The following ANKRD31 variants were observed in gnomAD, a reference collection of about 807,000 sequenced individuals.
ANKRD31 encodes ankyrin repeat domain-containing protein 31.
A neutral mutation model predicts 186.0 loss-of-function variants in ANKRD31; 147 were observed. That is an observed-to-expected ratio of 0.79 (90% CI 0.69 to 0.91). The LOEUF (loss-of-function observed/expected upper bound fraction) is 0.91. Ranked by LOEUF, ANKRD31 falls within the 40% of genes least tolerant of loss-of-function variation. The pLI is 0.00. For synonymous variants in ANKRD31, 673 were observed against 736.4 expected (o/e 0.91, Z 1.39); for missense variants, 1,986 against 2,148.8 (o/e 0.92, Z 1.50).
intron 17 of ANKRD31, among the ~76,000 whole-genome samples, chr5:75,128,539 C>G (rs971295516): frequency 1.6e-5 from 2 of 124,642 alleles, no homozygotes; most frequent in Non-Finnish European, 3.3e-5. Flanking sequence ...GAGTCTGGCT[C>G]TGCTGCCCAG....
intron 19 of ANKRD31, 58 bp from the exon 20 acceptor site, chr5:75,112,658 T>C (rs536623916): frequency 1.3e-4 from 142 of 1,079,388 alleles, no homozygotes; most frequent in Non-Finnish European, 1.7e-4. Flanking sequence ...CTCTCTGATA[T>C]GCCATTGACA....
At chr5:75,160,735 CAT>C (rs1324340456) in intron 11 of ANKRD31, among the ~76,000 whole-genome samples, 2 of 152,132 alleles carry the variant, frequency 1.3e-5, no homozygotes, top group Non-Finnish European at 2.9e-5. Flanking sequence ...ATAATCCCCA[CAT>C]GTTGCGGGAG....
intron 5 of ANKRD31, among the ~76,000 whole-genome samples, chr5:75,203,546 C>T (rs1755949371): frequency 6.6e-6 from 1 of 151,386 alleles, no homozygotes. Context: ...GCCTATAATC[C>T]CAGCTACTCA....
Position 75,195,772 on chromosome 5 carries a change from G to A in ANKRD31, c.876C>T (p.Ala292=). Residue 292 remains alanine (A), a synonymous_variant, in exon 7 of 26, where the codon GCC becomes GCT. Transcript: ENST00000506364. ...CCTTGGCTTCTGACAATGTGTTCAGGGCTTCCAATAACTCAGCTGGCAATG... is the reference window on the plus strand; with the variant it reads ...CCTTGGCTTCTGACAATGTGTTCAGAGCTTCCAATAACTCAGCTGGCAATG... ...DDALPAELLE[A]LNTLSEAKVE... is the part of the protein sequence containing the mutation. 1 of 1,537,376 alleles carries A rather than the reference G, an allele frequency of 6.5e-7. No individual in the cohort carries two copies. Among genetic ancestry groups the A allele is most frequent in the Non-Finnish European group, 8.7e-7 (1 of 1,146,900 alleles).
chr5:75,145,149 A>G (rs1751344039), intron 14 of ANKRD31, among the ~76,000 whole-genome samples: 1 of 152,184 alleles, frequency 6.6e-6, no homozygotes, highest in Admixed American at 6.5e-5. Flanking sequence ...GGGAGTGTAA[A>G]TTAGTTCAAC....
intron 25 of ANKRD31, among the ~76,000 whole-genome samples, chr5:75,071,728 C>A (rs1292414716): frequency 6.6e-6 from 1 of 151,960 alleles, no homozygotes; most frequent in African/African-American, 2.4e-5. Context: ...GAACTCCTGA[C>A]CTCAGGTGAT....
At chr5:75,230,916 C>T (rs759224260) in intron 1 of ANKRD31, among the ~76,000 whole-genome samples, 1 of 152,010 alleles carries the variant, frequency 6.6e-6, no homozygotes, top group African/African-American at 2.4e-5. Flanking sequence ...GTCTAATAAA[C>T]CTTAATAACT....
At chr5:75,094,160 A>C (rs1385631927) in intron 22 of ANKRD31, among the ~76,000 whole-genome samples, 2 of 152,182 alleles carry the variant, frequency 1.3e-5, no homozygotes, top group East Asian at 3.9e-4. Context: ...GCAAAGCTTT[A>C]TTGGGCTAAG....
intron 17 of ANKRD31, among the ~76,000 whole-genome samples, chr5:75,135,986 C>T (rs917609368): frequency 6.6e-6 from 1 of 152,180 alleles, no homozygotes; most frequent in Non-Finnish European, 1.5e-5. Context: ...GAAACTGGAT[C>T]CCTTCCTTAC....
chr5:75,155,902 A>C (rs1197455566), intron 11 of ANKRD31, among the ~76,000 whole-genome samples: 1 of 133,766 alleles, frequency 7.5e-6, no homozygotes, highest in African/African-American at 3.3e-5. Flanking sequence ...ACAAATTTAC[A>C]TTATGTCAGC....
intron 10 of ANKRD31, among the ~76,000 whole-genome samples, chr5:75,172,091 A>T (rs1753373745): frequency 6.6e-6 from 1 of 151,936 alleles, no homozygotes; most frequent in South Asian, 2.1e-4. Flanking sequence ...AAAATCACAG[A>T]CAAAAGAATT....
chr5:75,196,322 T>C, intron 6 of ANKRD31, 122 bp from the exon 7 acceptor site: 1 of 723,996 alleles, frequency 1.4e-6, no homozygotes. Context: ...ATCATCAACT[T>C]TCCTTCCCTT....
At chr5:75,210,302 T>C (rs971412566) in intron 4 of ANKRD31, among the ~76,000 whole-genome samples, 16 of 152,140 alleles carry the variant, frequency 1.1e-4, no homozygotes, top group Non-Finnish European at 2.1e-4. Flanking sequence ...GCCTCCTGAA[T>C]AGCTGAGATT....
intron 7 of ANKRD31, among the ~76,000 whole-genome samples, chr5:75,194,200 G>A (rs888269991): frequency 6.6e-6 from 1 of 152,064 alleles, no homozygotes; most frequent in Non-Finnish European, 1.5e-5. Context: ...AAGGTAACAA[G>A]CTCCATATTT....
At chr5:75,231,637 G>A (rs986098727) in intron 1 of ANKRD31, among the ~76,000 whole-genome samples, 6 of 152,078 alleles carry the variant, frequency 3.9e-5, no homozygotes, top group African/African-American at 1.4e-4. Context: ...TAGCCAACAA[G>A]TACACGAAAC....
intron 17 of ANKRD31, among the ~76,000 whole-genome samples, chr5:75,134,605 T>C (rs914856545): frequency 6.6e-6 from 1 of 152,154 alleles, no homozygotes; most frequent in African/African-American, 2.4e-5. Context: ...GCTGGTACCA[T>C]TCCTTCTGAA....
chr5:75,218,254 A>C (rs1311735590), intron 3 of ANKRD31, among the ~76,000 whole-genome samples: 2 of 152,180 alleles, frequency 1.3e-5, no homozygotes, highest in East Asian at 3.8e-4. Flanking sequence ...TAGAAATGGC[A>C]AAGGAGATGT....
Position 75,100,811 on chromosome 5 carries a change from G to C in ANKRD31, c.5331+3417C>G, listed in dbSNP as rs527768795. Among the ~76,000 whole-genome samples the C allele has an allele frequency of 1.1e-4, 16 of 152,242 alleles. No homozygotes were observed. The East Asian group carries it at 3.1e-3, about 29-fold the overall frequency. ...CTCCATCCCTTTATTTTGAGCCTAT[G>C]TGTGTCTCTGCACATCAGATGGGTC... On this transcript the variant is annotated intron_variant, in intron 22 of 25. Transcript: ENST00000506364.
intron 4 of ANKRD31, among the ~76,000 whole-genome samples, chr5:75,206,770 G>A (rs1756280447): frequency 6.6e-6 from 1 of 152,110 alleles, no homozygotes; most frequent in Non-Finnish European, 1.5e-5. Context: ...GGAGGTGACT[G>A]TTTGCCAAAT....
Sources: allele counts gnomAD v4.1 joint callset (sites outside exome capture counted in the v4.1 genomes callset), GRCh38; gene constraint gnomAD v4.1.1; transcripts MANE v1.5; gene names NCBI Gene and HGNC (gene_info 2026-07-23, HGNC 2026-07-21).